The following MIER1 variants were observed in gnomAD, a reference collection of about 807,000 sequenced individuals.
MIER1 encodes mesoderm induction early response protein 1.
In MIER1, 40 loss-of-function variants were observed where a neutral mutation model predicts 75.7. The ratio of observed to expected loss-of-function variants is 0.53; its 90% CI spans 0.41 to 0.69. MIER1 has a LOEUF of 0.69. MIER1 is among the 30% of genes least tolerant of loss of function. MIER1 has a pLI of 0.00. For missense variants in MIER1, 574 were observed against 680.2 expected (o/e 0.84, Z 1.74); for synonymous variants, 213 against 223.4 (o/e 0.95, Z 0.42).
At chr1:66,944,108 C>T (rs1656899654) in intron 3 of MIER1, among the ~76,000 whole-genome samples, 1 of 151,644 alleles carries the variant, frequency 6.6e-6, no homozygotes. Flanking sequence ...ATGGTAAGCA[C>T]TCAAAAAAAT....
chr1:66,971,823 A>C, intron 10 of MIER1, 87 bp downstream of exon 10: 1 of 625,792 alleles, frequency 1.6e-6, no homozygotes, highest in Non-Finnish European at 2.8e-6. Context: ...CCTAAACTTA[A>C]TAATACTGAT....
chr1:66,949,322 C>G (rs1417293645), intron 4 of MIER1, among the ~76,000 whole-genome samples: 4 of 152,090 alleles, frequency 2.6e-5, no homozygotes, highest in South Asian at 2.1e-4. Flanking sequence ...TAGAAAATTA[C>G]TAATGGGCTG....
chr1:66,955,811 A>G (rs1339920168), intron 4 of MIER1, among the ~76,000 whole-genome samples: 2 of 152,142 alleles, frequency 1.3e-5, no homozygotes. Context: ...TTTATTCACA[A>G]TAGTGATCAG....
chr1:66,964,219 C>G (rs1227080973), intron 8 of MIER1, among the ~76,000 whole-genome samples: 1 of 148,810 alleles, frequency 6.7e-6, no homozygotes, highest in East Asian at 2.1e-4. Flanking sequence ...TTACAGGTGC[C>G]CACCACCACG....
chr1:66,952,575 A>C (rs1659215089), intron 4 of MIER1, among the ~76,000 whole-genome samples: 1 of 152,198 alleles, frequency 6.6e-6, no homozygotes, highest in Admixed American at 6.5e-5. Flanking sequence ...AAGGAGGGAT[A>C]TATCTGCTCC....
At position 66,988,259 on chromosome 1, in the gene MIER1, T is replaced by A. The variant is rs1007803161; in HGVS notation, c.*3359T>A. On this transcript the variant is annotated 3_prime_UTR_variant, in exon 14 of 14. Transcript: ENST00000401041. ...TAACCTTTTATTCTAAAAATGACTCTCTTCTCTCAAAATGACTTTTTCTGT... is the reference window on the plus strand; with the variant it reads ...TAACCTTTTATTCTAAAAATGACTCACTTCTCTCAAAATGACTTTTTCTGT... 1 of 152,328 alleles carries A rather than the reference T, an allele frequency of 6.6e-6. No homozygotes were observed. Among genetic ancestry groups the A allele is most frequent in the Non-Finnish European group, 1.5e-5 (1 of 68,036 alleles). The allele number at this position is 152,328 out of a possible 1,614,324, so 9.4% of individuals were successfully genotyped here.
chr1:66,977,484 C>A (rs1374677808), intron 12 of MIER1, among the ~76,000 whole-genome samples: 1 of 152,140 alleles, frequency 6.6e-6, no homozygotes, highest in African/African-American at 2.4e-5. Flanking sequence ...AATCTTTCCT[C>A]TAACAAGTAA....
At chr1:66,981,943 CT>C (rs775593814) in intron 13 of MIER1, 25 bp downstream of exon 13, 284 of 1,611,238 alleles carry the variant, frequency 1.8e-4, no homozygotes, top group Non-Finnish European at 2.2e-4. Context: ...AAACATTTCT[CT>C]TTCTTCATAA....
At chr1:66,929,330 A>T (rs1652541736) in intron 2 of MIER1, among the ~76,000 whole-genome samples, 1 of 152,256 alleles carries the variant, frequency 6.6e-6, no homozygotes, top group African/African-American at 2.4e-5. Context: ...AGTCTTTTGA[A>T]ATAAAGACTT....
At chr1:66,935,238 G>C (rs1259496776) in intron 2 of MIER1, among the ~76,000 whole-genome samples, 1 of 152,122 alleles carries the variant, frequency 6.6e-6, no homozygotes, top group East Asian at 1.9e-4. Flanking sequence ...ATATAAAAGA[G>C]AATTATTTCA....
intron 3 of MIER1, among the ~76,000 whole-genome samples, chr1:66,945,267 G>GTA (rs66525570): frequency 1.9e-3 from 264 of 141,404 alleles, no homozygotes; most frequent in Non-Finnish European, 2.9e-3. Flanking sequence ...TCTGGTGTGT[G>GTA]TATATATATA....
At chr1:66,965,683 T>C (rs941043935) in intron 8 of MIER1, among the ~76,000 whole-genome samples, 4 of 152,202 alleles carry the variant, frequency 2.6e-5, no homozygotes, top group East Asian at 3.9e-4. Context: ...TATACTCTTA[T>C]AGTTCTTTAA....
intron 4 of MIER1, among the ~76,000 whole-genome samples, chr1:66,954,745 C>T (rs1659738877): frequency 1.3e-5 from 2 of 150,960 alleles, no homozygotes; most frequent in African/African-American, 2.4e-5. Context: ...TCAACTCTGT[C>T]ACCCAGGCTG....
intron 7 of MIER1, among the ~76,000 whole-genome samples, chr1:66,961,507 G>A (rs1661251391): frequency 6.6e-6 from 1 of 152,134 alleles, no homozygotes; most frequent in Non-Finnish European, 1.5e-5. Context: ...CAAATTAACA[G>A]ATGAAAAGAA....
intron 12 of MIER1, among the ~76,000 whole-genome samples, chr1:66,977,787 CTAA>C (rs892949687): frequency 2.0e-5 from 3 of 151,628 alleles, no homozygotes; most frequent in African/African-American, 7.3e-5. Context: ...TAATTATTCC[CTAA>C]TGTTTACAGA....
rs1289858795 is a variant in MIER1, at chr1:66,925,517, T to G, written c.67+422T>G. ...GTCCCATCCCCGGGAGGCTCTCGCT[T>G]GCACTGCAGCCTTTATGGTGAGCAG... On this transcript the variant is annotated intron_variant, in intron 1 of 13. Coordinates refer to ENST00000401041, the MANE Select transcript of MIER1 (RefSeq NM_001077700.3). The G allele has an allele frequency of 1.3e-5, 13 of 985,334 alleles. No individual in the cohort carries two copies. The Admixed American group carries it at 7.4e-4, about 56-fold the overall frequency. 61.0% of individuals were successfully genotyped at this position (985,334 alleles called of 1,614,324 possible).
At chr1:66,981,009 T>A (rs188964703) in intron 12 of MIER1, among the ~76,000 whole-genome samples, 5,984 of 152,264 alleles carry the variant, frequency 0.039, 148 homozygotes, top group Non-Finnish European at 0.054. Flanking sequence ...TTGGCTGACT[T>A]TTATTCTAGT....
At chr1:66,938,237 G>A (rs1003442868) in intron 2 of MIER1, among the ~76,000 whole-genome samples, 1 of 151,996 alleles carries the variant, frequency 6.6e-6, no homozygotes, top group Non-Finnish European at 1.5e-5. Flanking sequence ...TGAAATATAT[G>A]GACACCATTT....
intron 12 of MIER1, 43 bp downstream of exon 12, chr1:66,976,765 T>A: frequency 2.8e-6 from 4 of 1,444,566 alleles, no homozygotes; most frequent in Non-Finnish European, 3.7e-6. Flanking sequence ...ACATTTTTGC[T>A]AAGCTTTTCT....
Sources: allele counts gnomAD v4.1 joint callset (sites outside exome capture counted in the v4.1 genomes callset), GRCh38; gene constraint gnomAD v4.1.1; transcripts MANE v1.5; gene names NCBI Gene and HGNC (gene_info 2026-07-23, HGNC 2026-07-21).